The following CAPN14 variants were observed in gnomAD, a reference collection of about 807,000 sequenced individuals.
CAPN14 encodes calpain-14.
Under a neutral mutation model 101.3 loss-of-function variants are expected in CAPN14, and 94 were observed. The ratio of observed to expected loss-of-function variants is 0.93; its 90% CI spans 0.79 to 1.10. The LOEUF is 1.10. Ranked by LOEUF, CAPN14 falls within the 50% of genes least tolerant of loss-of-function variation. The pLI, the probability that CAPN14 is intolerant of heterozygous loss-of-function variation, is 0.00. For missense variants in CAPN14, 837 were observed against 828.4 expected (o/e 1.01, Z -0.13); for synonymous variants, 338 against 317.9 (o/e 1.06, Z -0.67).
chr2:31,200,000 GT>G (rs1398156734), intron 6 of CAPN14, among the ~76,000 whole-genome samples: 1 of 152,016 alleles, frequency 6.6e-6, no homozygotes, highest in Non-Finnish European at 1.5e-5. Context: ...TGCTGCTCTG[GT>G]TTTTTTGTTT....
intron 7 of CAPN14, 63 bp from the exon 8 acceptor site, chr2:31,197,397 T>C (rs1005436663): frequency 6.9e-6 from 8 of 1,156,028 alleles, no homozygotes; most frequent in African/African-American, 4.6e-5. Flanking sequence ...GAGATCTGAG[T>C]GAGACTCGGG....
At chr2:31,219,852 T>G (rs578094003), upstream of CAPN14, among the ~76,000 whole-genome samples, 5 of 152,326 alleles carry the variant, frequency 3.3e-5, no homozygotes, top group African/African-American at 1.2e-4. Flanking sequence ...TGATTCTGTT[T>G]GGGACCAGCC....
chr2:31,219,629 T>C (rs201690911), upstream of CAPN14, among the ~76,000 whole-genome samples: 1 of 151,942 alleles, frequency 6.6e-6, no homozygotes, highest in East Asian at 1.9e-4. Context: ...CTTGCTAGAG[T>C]TCTAAGTCCT....
chr2:31,183,590 T>C (rs1680758105), intron 16 of CAPN14, among the ~76,000 whole-genome samples: 1 of 152,062 alleles, frequency 6.6e-6, no homozygotes, highest in Non-Finnish European at 1.5e-5. Context: ...GAAAAAATGC[T>C]CACCATCACT....
chr2:31,199,744 T>C (rs1236720450), intron 6 of CAPN14, among the ~76,000 whole-genome samples: 1 of 152,190 alleles, frequency 6.6e-6, no homozygotes, highest in Non-Finnish European at 1.5e-5. Flanking sequence ...GATCATGCCA[T>C]ACCCTCAATT....
intron 1 of CAPN14, among the ~76,000 whole-genome samples, chr2:31,210,375 G>C (rs1053355228): frequency 2.0e-5 from 3 of 152,212 alleles, no homozygotes; most frequent in Non-Finnish European, 4.4e-5. Context: ...GTGAACCCGG[G>C]AGGCGGAGCT....
intron 15 of CAPN14, among the ~76,000 whole-genome samples, chr2:31,186,984 T>C (rs1189593722): frequency 6.6e-6 from 1 of 152,212 alleles, no homozygotes; most frequent in Non-Finnish European, 1.5e-5. Context: ...AGGAAAACTT[T>C]AACAAACAAT....
intron 8 of CAPN14, among the ~76,000 whole-genome samples, chr2:31,196,873 C>T (rs190432463): frequency 3.3e-5 from 5 of 152,290 alleles, no homozygotes; most frequent in African/African-American, 1.2e-4. Flanking sequence ...CACCAAAGAC[C>T]TTGGTTGAGT....
chr2:31,202,032 A>T, intron 4 of CAPN14, 34 bp from the exon 5 acceptor site: 1 of 1,550,550 alleles, frequency 6.4e-7, no homozygotes. Flanking sequence ...GTGAATGAGG[A>T]CTGCTGCAGA....
rs1680158554 is a variant in CAPN14 at position 31,173,681 on chromosome 2, T to G, written c.*1000A>C. The G allele has an allele frequency of 6.6e-6, 1 of 152,188 alleles. No individual in the cohort carries two copies. Among genetic ancestry groups the G allele is most frequent in the Non-Finnish European group, 1.5e-5 (1 of 68,040 alleles). The allele number at this position is 152,188 out of a possible 1,614,324, so 9.4% of individuals were successfully genotyped here. A position where few individuals can be genotyped will look rare whatever the true frequency, so the allele number is the denominator to read the frequency against. Reference sequence around the variant, plus strand: ...TTTGGAGTATTTCAGATTTGGGGTTTTCAGATTTGGGATGCTCAACCTGTA... The same window carrying G: ...TTTGGAGTATTTCAGATTTGGGGTTGTCAGATTTGGGATGCTCAACCTGTA... On this transcript the variant is annotated 3_prime_UTR_variant, in exon 22 of 22. Coordinates refer to ENST00000403897, the MANE Select transcript of CAPN14 (RefSeq NM_001145122.2).
At chr2:31,183,447 G>A (rs1680748449) in intron 16 of CAPN14, among the ~76,000 whole-genome samples, 1 of 151,790 alleles carries the variant, frequency 6.6e-6, no homozygotes, top group South Asian at 2.1e-4. Flanking sequence ...TCTGACAAAG[G>A]GCTAATATCC....
At chr2:31,186,344 C>G in intron 16 of CAPN14, 84 bp downstream of exon 16, 1 of 927,228 alleles carries the variant, frequency 1.1e-6, no homozygotes, top group East Asian at 2.9e-5. Context: ...TTCACACATC[C>G]CACCAAGGGA....
intron 13 of CAPN14, 107 bp downstream of exon 13, chr2:31,189,166 T>C: frequency 1.0e-6 from 1 of 982,054 alleles, no homozygotes; most frequent in Non-Finnish European, 1.6e-6. Context: ...CATCTCCCTT[T>C]TGTCTCAGCA....
At chr2:31,191,508 A>C in intron 11 of CAPN14, 101 bp from the exon 12 acceptor site, 1 of 1,160,598 alleles carries the variant, frequency 8.6e-7, no homozygotes, top group Non-Finnish European at 1.2e-6. Flanking sequence ...ACCCGAATAG[A>C]AGCTGATATA....
chr2:31,181,442 C>CT (rs754556160), intron 16 of CAPN14, among the ~76,000 whole-genome samples: 1 of 99,038 alleles, frequency 1.0e-5, no homozygotes, highest in East Asian at 3.1e-4. Context: ...TTCTTTCTTT[C>CT]TTTTTCTTTC....
At chr2:31,189,531 G>A (rs908936696) in intron 12 of CAPN14, 53 bp from the exon 13 acceptor site, 1 of 1,441,964 alleles carries the variant, frequency 6.9e-7, no homozygotes, top group Non-Finnish European at 9.5e-7. Context: ...CAGGGCTGTG[G>A]CCAGGCCTGA....
chr2:31,219,616 G>C (rs988748812), upstream of CAPN14, among the ~76,000 whole-genome samples: 4 of 152,212 alleles, frequency 2.6e-5, no homozygotes, highest in African/African-American at 7.2e-5. Flanking sequence ...TAGAACCGGA[G>C]CACTTGCTAG....
At chr2:31,200,359 C>T in intron 6 of CAPN14, 92 bp downstream of exon 6, 1 of 1,231,636 alleles carries the variant, frequency 8.1e-7, no homozygotes, top group Non-Finnish European at 1.1e-6. Flanking sequence ...GGTGGAGGCC[C>T]TGAGCCCACA....
At chr2:31,204,225 T>C (rs1156516952) in intron 2 of CAPN14, among the ~76,000 whole-genome samples, 2 of 152,186 alleles carry the variant, frequency 1.3e-5, no homozygotes, top group Admixed American at 6.5e-5. Context: ...CTTGGTTTTT[T>C]CCATCTGGAA....
Sources: gnomAD v4.1 joint callset for allele counts (sites outside exome capture counted in the v4.1 genomes callset) on GRCh38, gnomAD v4.1.1 for gene constraint, MANE v1.5 for transcripts, NCBI Gene and HGNC (gene_info 2026-07-23, HGNC 2026-07-21) for gene names.